ZSCAN20: variants seen among roughly 807,000 people sequenced by gnomAD.
ZSCAN20 encodes the protein zinc finger and SCAN domain-containing protein 20.
In ZSCAN20, 39 loss-of-function variants were observed where a neutral mutation model predicts 97.1. The ratio of observed to expected loss-of-function variants is 0.40; its 90% confidence interval spans 0.31 to 0.52. The LOEUF (loss-of-function observed/expected upper bound fraction) is 0.52, where lower values mean the gene tolerates loss of function less well. Ranked by LOEUF, ZSCAN20 falls within the 20% of genes least tolerant of loss-of-function variation. ZSCAN20 has a pLI of 0.49. For synonymous variants in ZSCAN20, 456 were observed against 467.3 expected (o/e 0.98, Z 0.31); for missense variants, 1,115 against 1,290.4 (o/e 0.86, Z 2.08).
Position 33,500,186 on chromosome 1 carries a change from A to G in ZSCAN20, c.*4710A>G, listed in dbSNP as rs1027786505. Among the ~76,000 whole-genome samples, 6 of 152,160 alleles carry G rather than the reference A, an allele frequency of 3.9e-5. No individual in the cohort carries two copies. The highest frequency in any genetic ancestry group is 6.5e-5 in the Admixed American group (1 of 15,284). ...TTCAGCAAGCCTGCACTTACCTCCA[A>G]ATAAATGCATGTTTTCGGGGGGCAA... is the stretch of plus-strand genomic sequence containing the variant. On this transcript the variant is annotated 3_prime_UTR_variant, in exon 8 of 8. Transcript: ENST00000684572.
chr1:33,485,094 T>C (rs1570553211), intron 2 of ZSCAN20, among the ~76,000 whole-genome samples: 1 of 152,242 alleles, frequency 6.6e-6, no homozygotes, highest in East Asian at 1.9e-4. Context: ...ATTTCTTCCT[T>C]AAATGTTTGG....
rs1653014325 is a variant in ZSCAN20 at position 33,500,110 on chromosome 1, T to A, written c.*4634T>A. Among the ~76,000 whole-genome samples the A allele has an allele frequency of 6.6e-6, 1 of 152,164 alleles. No individual in the cohort carries two copies. Among genetic ancestry groups the A allele is most frequent in the South Asian group, 2.1e-4 (1 of 4,822 alleles). On this transcript the variant is annotated 3_prime_UTR_variant, in exon 8 of 8. Coordinates refer to ENST00000684572, the MANE Select transcript of ZSCAN20 (RefSeq NM_001377376.1). ...TGGCTGTTTCTTCACACTCCCAGCA[T>A]CACTATTACTGCTAGCATGTCTTTA...
In ZSCAN20 at chr1:33,495,791, T is replaced by A. The variant is rs1471886795; in HGVS notation, c.*315T>A. 5.1e-6 allele frequency: 1 copy of A among 194,930 alleles called. No homozygotes were observed. The highest frequency in any genetic ancestry group is 1.1e-5 in the Non-Finnish European group (1 of 95,116). The allele number at this position is 194,930 out of a possible 1,614,324, so 12.1% of individuals were successfully genotyped here. ...TACGAGATTAGAGTTAAATCAGTGG[T>A]CCTGAGCAGTGATTCCAAACTCTCA... On this transcript the variant is annotated 3_prime_UTR_variant, in exon 8 of 8. Transcript: ENST00000684572.
At chr1:33,482,008 T>C (rs988053618) in intron 2 of ZSCAN20, among the ~76,000 whole-genome samples, 2 of 152,208 alleles carry the variant, frequency 1.3e-5, no homozygotes, top group Non-Finnish European at 2.9e-5. Context: ...GCAATATGTT[T>C]ATTACCATTG....
In ZSCAN20 at chr1:33,498,560, G is replaced by A. The variant is rs1173698566; in HGVS notation, c.*3084G>A. Reference sequence around the variant, plus strand: ...TAGGTCTGTGCTGCTCAGATAAACTGACATCTGGTTTTACACACCCTGAGC... The same window carrying A: ...TAGGTCTGTGCTGCTCAGATAAACTAACATCTGGTTTTACACACCCTGAGC... On this transcript the variant is annotated 3_prime_UTR_variant, in exon 8 of 8. Coordinates refer to ENST00000684572, the MANE Select transcript of ZSCAN20 (RefSeq NM_001377376.1). 6.6e-6 allele frequency among the ~76,000 whole-genome samples: 1 copy of A among 152,198 alleles called. No individual in the cohort carries two copies.
rs748346070 is a variant in ZSCAN20 at position 33,493,589 on chromosome 1, C to A, written c.1847C>A (p.Thr616Asn). 1.0e-5 allele frequency: 16 copies of A among 1,592,636 alleles called. No homozygotes were observed. In the African/African-American group the frequency reaches 1.9e-4, roughly 19 times the overall value. Residue 616 changes from threonine to asparagine, a missense_variant, in exon 7 of 8, where the codon ACC (threonine) becomes AAC (asparagine). Around this residue, in one of 3 missense-constraint regions of ZSCAN20, gnomAD observed 554 missense variants for 584.9 expected, o/e 0.95. Transcript: ENST00000684572. This position sits in a 1 kb window ranked among gnomAD's most constrained non-coding sequence, Gnocchi z 4.3. ...AATGAAGATGCTGTCAAACCTTCAA[C>A]CTTGTGTCCTAAAGCCCCAGACATG... ...VANEDAVKPS[T>N]LCPKAPDMGF...
chr1:33,498,996 T>C lies in ZSCAN20; in HGVS notation c.*3520T>C, dbSNP rs1652969283. Reference sequence around the variant, plus strand: ...CATGGTCATGGCTGCCTTGGCCTTATTGTCCACTGTAGCCTCCTCCCAGAA... The same window carrying C: ...CATGGTCATGGCTGCCTTGGCCTTACTGTCCACTGTAGCCTCCTCCCAGAA... On this transcript the variant is annotated 3_prime_UTR_variant, in exon 8 of 8. Transcript: ENST00000684572. 6.6e-6 allele frequency among the ~76,000 whole-genome samples: 1 copy of C among 152,212 alleles called. No homozygotes were observed. Among genetic ancestry groups the C allele is most frequent in the African/African-American group, 2.4e-5 (1 of 41,448 alleles).
chr1:33,488,638 T>G lies in ZSCAN20; in HGVS notation c.591T>G (p.Pro197=). The G allele has an allele frequency of 1.9e-6, 3 of 1,612,112 alleles. No individual in the cohort carries two copies. Among genetic ancestry groups the G allele is most frequent in the Non-Finnish European group, 2.5e-6 (3 of 1,179,398 alleles). ...TAAATGCCGAGGTGGCACCACAGCCTTTGAAAGAGAGTGGTGAGTACATCT... is the reference window on the plus strand; with the variant it reads ...TAAATGCCGAGGTGGCACCACAGCCGTTGAAAGAGAGTGGTGAGTACATCT... ...NHLNAEVAPQ[P]LKESAVLTPR... Residue 197 remains proline, a synonymous_variant, in exon 3 of 8, where the codon CCT becomes CCG. Coordinates refer to ENST00000684572, the MANE Select transcript of ZSCAN20 (RefSeq NM_001377376.1).
chr1:33,479,962 AG>A (rs746086331), intron 2 of ZSCAN20, among the ~76,000 whole-genome samples: 11 of 152,318 alleles, frequency 7.2e-5, no homozygotes, highest in Non-Finnish European at 1.3e-4. Context: ...GAGAAAAGAT[AG>A]GTAAGTTGCC....
chr1:33,490,286 T>C (rs552218951), intron 5 of ZSCAN20, among the ~76,000 whole-genome samples: 1 of 152,334 alleles, frequency 6.6e-6, no homozygotes, highest in African/African-American at 2.4e-5. Flanking sequence ...TGGGAAACGG[T>C]GAATTAAATT....
Position 33,492,819 on chromosome 1 carries a change from A to AGTACAGGT in ZSCAN20, c.1445-367_1445-360dup, listed in dbSNP as rs1244340770. Among the ~76,000 whole-genome samples the AGTACAGGT allele has an allele frequency of 1.2e-3, 183 of 151,478 alleles. 1 individual carries two copies. The highest frequency in any genetic ancestry group is 4.2e-3 in the African/African-American group (172 of 41,314). On this transcript the variant is annotated intron_variant, in intron 6 of 7. Transcript: ENST00000684572. ...AAAGGAGAATTTATAAAATAAATAGAGTACAGGTATTGAGTGAATATGGGG... is the reference window on the plus strand; with the variant it reads ...AAAGGAGAATTTATAAAATAAATAGAGTACAGGTGTACAGGTATTGAGTGAATATGGGG...
In ZSCAN20 at chr1:33,495,662, G is replaced by C. The variant is rs1209750159; in HGVS notation, c.*186G>C. ...GATCCAGATTTGAAGGCACTTTTAA[G>C]TGTAATTTGTTTTTCTTCTGTAAAG... On this transcript the variant is annotated 3_prime_UTR_variant, in exon 8 of 8. Transcript: ENST00000684572. 3 of 490,164 alleles carry C rather than the reference G, an allele frequency of 6.1e-6. No homozygotes were observed. Among genetic ancestry groups the C allele is most frequent in the African/African-American group, 5.8e-5 (3 of 51,532 alleles). The allele number at this position is 490,164 out of a possible 1,614,324, so 30.4% of individuals were successfully genotyped here.
Position 33,493,254 on chromosome 1 carries a change from G to A in ZSCAN20, c.1512G>A (p.Ser504=), listed in dbSNP as rs754392613. The change falls in exon 7 of 8, where the codon TCG becomes TCA. Residue 504 remains serine, a synonymous_variant. Transcript: ENST00000684572. This position sits in a 1 kb window ranked among gnomAD's most constrained non-coding sequence, Gnocchi z 4.3. ...CAATTCTCAGTGAGTCCCCATTCTCGGAAAAGCTTCGTACCTGTCACCAGA... is the reference window on the plus strand; with the variant it reads ...CAATTCTCAGTGAGTCCCCATTCTCAGAAAAGCTTCGTACCTGTCACCAGA... The part of the protein sequence containing the change: ...FLAILSESPF[S]EKLRTCHQNS... 9.3e-6 allele frequency: 15 copies of A among 1,614,168 alleles called. No individual in the cohort carries two copies. The highest frequency in any genetic ancestry group is 2.7e-5 in the African/African-American group (2 of 75,038).
intron 2 of ZSCAN20, among the ~76,000 whole-genome samples, chr1:33,481,091 A>T (rs1652138641): frequency 6.6e-6 from 1 of 152,166 alleles, no homozygotes; most frequent in South Asian, 2.1e-4. Flanking sequence ...TGCTCTTTGG[A>T]TTCCTTTACA....
chr1:33,493,713 G>A lies in ZSCAN20; in HGVS notation c.1873+98G>A. ...TCTTTTGTCTCTTAACTAAAAGAGA[G>A]AATGGGATTGAATGGGAAAAAGTAT... On this transcript the variant is annotated intron_variant, in intron 7 of 7. Coordinates refer to ENST00000684572, the MANE Select transcript of ZSCAN20 (RefSeq NM_001377376.1). This position sits in a 1 kb window ranked among gnomAD's most constrained non-coding sequence, Gnocchi z 4.3. 1.6e-6 allele frequency: 2 copies of A among 1,219,872 alleles called. No homozygotes were observed. The highest frequency in any genetic ancestry group is 2.3e-6 in the Non-Finnish European group (2 of 884,100). 75.6% of individuals were successfully genotyped at this position (1,219,872 alleles called of 1,614,324 possible).
In ZSCAN20 at chr1:33,488,524, C is replaced by A; in HGVS notation, c.477C>A (p.Ser159Arg). Residue 159 changes from serine (S) to arginine (R), a missense_variant, in exon 3 of 8, where the codon AGC (serine) becomes AGA (arginine). Around this residue, in one of 3 missense-constraint regions of ZSCAN20, gnomAD observed 508 missense variants for 611.2 expected, o/e 0.83. Coordinates refer to ENST00000684572, the MANE Select transcript of ZSCAN20 (RefSeq NM_001377376.1). ...RPLKTGEEAQ[S>R]FQLQPVDPWP... ...TAAAGACAGGGGAAGAAGCTCAGAG[C>A]TTCCAGCTGCAGCCAGTGGATCCCT... The A allele has an allele frequency of 6.2e-7, 1 of 1,614,174 alleles. No homozygotes were observed. Among genetic ancestry groups the A allele is most frequent in the Admixed American group, 1.7e-5 (1 of 60,016 alleles).
chr1:33,491,344 G>A lies in ZSCAN20; in HGVS notation c.1086G>A (p.Glu362=), dbSNP rs1652599041. ...QNRQVYRAIA[E]QLRARGFLRT... is the part of the protein sequence containing the mutation. The stretch of plus-strand genomic sequence containing the variant: ...GCCAGGTATATCGGGCCATTGCAGA[G>A]CAGCTAAGGGCAAGGGGCTTCCTGC... The change falls in exon 6 of 8, where the codon GAG becomes GAA. Residue 362 remains glutamate (E), a synonymous_variant. Coordinates refer to ENST00000684572, the MANE Select transcript of ZSCAN20 (RefSeq NM_001377376.1). The surrounding 1 kb of genome is among the most constrained non-coding windows in gnomAD (Gnocchi z 4.3). 6.2e-7 allele frequency: 1 copy of A among 1,614,182 alleles called. No individual in the cohort carries two copies.
Position 33,495,524 on chromosome 1 carries a change from T to C in ZSCAN20, c.*48T>C, listed in dbSNP as rs773170011. 1 of 1,423,530 alleles carries C rather than the reference T, an allele frequency of 7.0e-7. No homozygotes were observed. Among genetic ancestry groups the C allele is most frequent in the Admixed American group, 2.5e-5 (1 of 40,456 alleles). The allele number at this position is 1,423,530 out of a possible 1,614,324, so 88.2% of individuals were successfully genotyped here. A position where few individuals can be genotyped will look rare whatever the true frequency, so the allele number is the denominator to read the frequency against. On this transcript the variant is annotated 3_prime_UTR_variant, in exon 8 of 8. Transcript: ENST00000684572. ...AGGAGGACTCAATGTATATATCTTA[T>C]ATCATAAGATGTATGCTAGAGATAA...
chr1:33,500,135 A>C lies in ZSCAN20; in HGVS notation c.*4659A>C, dbSNP rs1017890908. On this transcript the variant is annotated 3_prime_UTR_variant, in exon 8 of 8. Transcript: ENST00000684572. ...TCACTATTACTGCTAGCATGTCTTTAGCATCATTTTGCCCTCCCTCTGACT... is the reference window on the plus strand; with the variant it reads ...TCACTATTACTGCTAGCATGTCTTTCGCATCATTTTGCCCTCCCTCTGACT... Among the ~76,000 whole-genome samples, 5 of 152,206 alleles carry C rather than the reference A, an allele frequency of 3.3e-5. No individual in the cohort carries two copies. In the East Asian group the frequency reaches 9.7e-4, roughly 29 times the overall value.
Sources: gnomAD v4.1 joint callset for allele counts (sites outside exome capture counted in the v4.1 genomes callset) on GRCh38, gnomAD v4.1.1 for gene constraint, gnomAD v4.1.1 regional missense constraint, Gnocchi (gnomAD v3.1) non-coding constraint, MANE v1.5 for transcripts, NCBI Gene and HGNC (gene_info 2026-07-23, HGNC 2026-07-21) for gene names.